The following DLEC1 variants were observed in gnomAD, a reference collection of about 807,000 sequenced individuals.
DLEC1 encodes deleted in lung and esophageal cancer protein 1.
A neutral mutation model predicts 198.1 loss-of-function variants in DLEC1; 146 were observed. The observed-to-expected ratio is 0.74, with a 90% CI of 0.64 to 0.85. The LOEUF is 0.85. Ranked by LOEUF, DLEC1 falls within the 40% of genes least tolerant of loss-of-function variation. The pLI is 0.00. For synonymous variants in DLEC1, 897 were observed against 866.8 expected (o/e 1.03, Z -0.61); for missense variants, 2,233 against 2,220.0 (o/e 1.01, Z -0.12).
intron 22 of DLEC1, 113 bp from the exon 23 acceptor site, chr3:38,109,986 G>A (rs1388164074): frequency 9.8e-6 from 12 of 1,220,832 alleles, no homozygotes; most frequent in African/African-American, 1.5e-5. Context: ...AGGAGTCTGA[G>A]GATGAAGCCT....
At position 38,111,726 on chromosome 3, in the gene DLEC1, C is replaced by A. The variant is rs200205214; in HGVS notation, c.3493C>A (p.Leu1165Met). ...LLKTVRMQEH[L>M]AKREQLDFME... is the part of the protein sequence containing the mutation. ...AAAGACAGTGCGGATGCAAGAGCAC[C>A]TGGCCAAGCGAGAGCAGCTGGGTAA... The change falls in exon 24 of 37, where the codon CTG (leucine) becomes ATG (methionine). Residue 1165 changes from leucine to methionine, a missense_variant. Coordinates refer to ENST00000308059, the MANE Select transcript of DLEC1 (RefSeq NM_007335.4). 2.5e-6 allele frequency: 4 copies of A among 1,613,014 alleles called. No individual in the cohort carries two copies. In the African/African-American group the frequency reaches 4.0e-5, roughly 16 times the overall value.
chr3:38,092,692 CAAAG>C, intron 10 of DLEC1, 94 bp from the exon 11 acceptor site: 6 of 1,087,194 alleles, frequency 5.5e-6, no homozygotes, highest in Non-Finnish European at 8.4e-6. Context: ...GAGTGAAGAG[CAAAG>C]AAAGGGGTGT....
chr3:38,043,657 C>G (rs1447608406), intron 1 of DLEC1, among the ~76,000 whole-genome samples: 3 of 152,194 alleles, frequency 2.0e-5, no homozygotes, highest in Non-Finnish European at 2.9e-5. Flanking sequence ...GAAACCATAT[C>G]TGATTCATTT....
At chr3:38,095,851 G>T in intron 13 of DLEC1, 37 bp from the exon 14 acceptor site, 1 of 1,612,684 alleles carries the variant, frequency 6.2e-7, no homozygotes, top group Non-Finnish European at 8.5e-7. Flanking sequence ...CTGCTGGAAC[G>T]CAGTGGTGTT....
intron 1 of DLEC1, among the ~76,000 whole-genome samples, chr3:38,044,777 A>G (rs780209721): frequency 2.6e-5 from 4 of 152,212 alleles, no homozygotes; most frequent in Non-Finnish European, 4.4e-5. Flanking sequence ...AGTCTGAACC[A>G]GAAAATATGG....
chr3:38,069,638 CA>C (rs1323012840), intron 6 of DLEC1, among the ~76,000 whole-genome samples: 1 of 152,178 alleles, frequency 6.6e-6, no homozygotes, highest in African/African-American at 2.4e-5. Flanking sequence ...AAAGCCAGTC[CA>C]TGCCACAGTC....
rs1696723990 is a variant in DLEC1 at position 38,062,227 on chromosome 3, G to C, written c.732G>C (p.Gln244His). The C allele has an allele frequency of 6.2e-7, 1 of 1,614,100 alleles. No individual in the cohort carries two copies. Among genetic ancestry groups the C allele is most frequent in the African/African-American group, 1.3e-5 (1 of 74,924 alleles). ...TTAGCTGTGAGAAGCGTTCCGTCCAGAAGAAAGAGCTGAACAAGAAGCTTG... is the reference window on the plus strand; with the variant it reads ...TTAGCTGTGAGAAGCGTTCCGTCCACAAGAAAGAGCTGAACAAGAAGCTTG... ...LTFSCEKRSV[Q>H]KKELNKKLED... Residue 244 changes from glutamine (Q) to histidine (H), a missense_variant, in exon 4 of 37, where the codon CAG (glutamine) becomes CAC (histidine). Coordinates refer to ENST00000308059, the MANE Select transcript of DLEC1 (RefSeq NM_007335.4).
chr3:38,071,714 C>T (rs13066327), intron 6 of DLEC1, among the ~76,000 whole-genome samples: 53,973 of 152,026 alleles, frequency 0.36, 10,057 homozygotes, highest in East Asian at 0.55. Context: ...TGACCTTAGC[C>T]TCCTTTGGAA....
chr3:38,088,409 A>G (rs915772242), intron 10 of DLEC1, 21 bp downstream of exon 10: 3 of 1,600,856 alleles, frequency 1.9e-6, no homozygotes, highest in African/African-American at 1.3e-5. Context: ...AGACATTGGC[A>G]TGTATTTCCT....
At chr3:38,087,807 G>A (rs1459613207) in intron 9 of DLEC1, among the ~76,000 whole-genome samples, 1 of 152,236 alleles carries the variant, frequency 6.6e-6, no homozygotes, top group African/African-American at 2.4e-5. Context: ...GACTTCTTGT[G>A]TAGGCACTGG....
chr3:38,098,456 AT>A (rs1222421408), intron 18 of DLEC1, among the ~76,000 whole-genome samples: 1 of 152,228 alleles, frequency 6.6e-6, no homozygotes, highest in Non-Finnish European at 1.5e-5. Context: ...GCAGTGGGCG[AT>A]CTGGAACAAG....
At position 38,123,168 on chromosome 3, in the gene DLEC1, T is replaced by C; in HGVS notation, c.*756T>C. The C allele has an allele frequency of 6.3e-7, 1 of 1,581,488 alleles. No homozygotes were observed. The highest frequency in any genetic ancestry group is 1.3e-5 in the African/African-American group (1 of 74,416). On this transcript the variant is annotated 3_prime_UTR_variant, in exon 37 of 37. Transcript: ENST00000308059. ...TGGCTGGGCAAAGGCACCCACCAAATTACCTCCAGACCAGGCTGACCCAGA... is the reference window on the plus strand; with the variant it reads ...TGGCTGGGCAAAGGCACCCACCAAACTACCTCCAGACCAGGCTGACCCAGA...
intron 18 of DLEC1, among the ~76,000 whole-genome samples, chr3:38,098,728 A>G (rs557522098): frequency 3.3e-5 from 5 of 152,270 alleles, no homozygotes; most frequent in African/African-American, 9.6e-5. Context: ...AGCCATGCAT[A>G]TACCTTATTT....
intron 6 of DLEC1, among the ~76,000 whole-genome samples, chr3:38,082,044 T>G: frequency 3.5e-5 from 4 of 114,918 alleles, no homozygotes; most frequent in African/African-American, 6.9e-5. Flanking sequence ...TCAGACGGGG[T>G]GGTTGCCAGG....
At chr3:38,100,591 G>C (rs9847922) in intron 19 of DLEC1, among the ~76,000 whole-genome samples, 166 bp downstream of exon 19, 30,998 of 152,050 alleles carry the variant, frequency 0.2, 4,273 homozygotes, top group African/African-American at 0.39. Context: ...TCAAAATGAC[G>C]CATAATCCAT....
chr3:38,103,947 T>A (rs2125710338), intron 19 of DLEC1, among the ~76,000 whole-genome samples: 1 of 152,294 alleles, frequency 6.6e-6, no homozygotes, highest in Non-Finnish European at 1.5e-5. Context: ...AATCACAGGT[T>A]ACCATAACAG....
chr3:38,071,462 A>G (rs1234542246), intron 6 of DLEC1, among the ~76,000 whole-genome samples: 1 of 152,196 alleles, frequency 6.6e-6, no homozygotes, highest in Non-Finnish European at 1.5e-5. Flanking sequence ...ACAGAATAGA[A>G]TGGGCCTGTG....
At chr3:38,055,951 G>A (rs1366476587) in intron 2 of DLEC1, among the ~76,000 whole-genome samples, 4 of 152,144 alleles carry the variant, frequency 2.6e-5, no homozygotes, top group African/African-American at 9.7e-5. Context: ...GATCGTGCTG[G>A]CTCAAGCCTG....
chr3:38,068,454 C>G (rs1357179282), intron 6 of DLEC1, among the ~76,000 whole-genome samples: 1 of 152,186 alleles, frequency 6.6e-6, no homozygotes, highest in Non-Finnish European at 1.5e-5. Context: ...TGGTTTCAAA[C>G]TCCTGAGCTC....
Sources: allele counts gnomAD v4.1 joint callset (sites outside exome capture counted in the v4.1 genomes callset), GRCh38; gene constraint gnomAD v4.1.1; transcripts MANE v1.5; gene names NCBI Gene and HGNC (gene_info 2026-07-23, HGNC 2026-07-21).